RGS20: variants seen among roughly 807,000 people sequenced by gnomAD.
RGS20 encodes the protein regulator of G protein signaling 20.
A neutral mutation model predicts 33.6 loss-of-function variants in RGS20; 30 were observed. The observed-to-expected ratio is 0.89, with a 90% CI of 0.67 to 1.21. RGS20 has a LOEUF of 1.21. Ranked by LOEUF, RGS20 falls within the 50% of genes most tolerant of loss-of-function variation. The pLI, the probability that RGS20 is intolerant of heterozygous loss-of-function variation, is 0.00. For missense variants in RGS20, 472 were observed against 502.4 expected, an observed-to-expected ratio of 0.94 and a Z score of 0.58; for synonymous variants, 208 against 197.9, an observed-to-expected ratio of 1.05 and a Z score of -0.43.
chr8:53,933,070 A>G (rs61124613), intron 2 of RGS20, among the ~76,000 whole-genome samples: 1,895 of 152,334 alleles, frequency 0.012, 36 homozygotes, highest in African/African-American at 0.043. Flanking sequence ...ATCAACATCA[A>G]CAAAAAGGAC....
intron 1 of RGS20, among the ~76,000 whole-genome samples, chr8:53,873,053 G>A (rs1812115516): frequency 6.6e-6 from 1 of 152,058 alleles, no homozygotes; most frequent in Non-Finnish European, 1.5e-5. Flanking sequence ...TCGTGGCTGG[G>A]TGCTGTCCTC....
chr8:53,897,168 C>T (rs762733985), intron 2 of RGS20, among the ~76,000 whole-genome samples: 23 of 152,204 alleles, frequency 1.5e-4, no homozygotes, highest in Non-Finnish European at 2.6e-4. Flanking sequence ...TTTGCATGTA[C>T]GTTGACACAT....
chr8:53,902,979 A>G (rs60594961), intron 2 of RGS20, among the ~76,000 whole-genome samples: 28,024 of 152,032 alleles, frequency 0.18, 7,750 homozygotes, highest in African/African-American at 0.6. Flanking sequence ...GCCCACCTCG[A>G]CCTCCCAAAG....
chr8:53,873,930 G>A (rs897546867), intron 1 of RGS20, among the ~76,000 whole-genome samples: 3 of 152,172 alleles, frequency 2.0e-5, no homozygotes, highest in African/African-American at 7.2e-5. Flanking sequence ...TGGGTGCAGT[G>A]GCTCACACCT....
At chr8:53,902,050 C>T (rs569388448) in intron 2 of RGS20, among the ~76,000 whole-genome samples, 1 of 152,052 alleles carries the variant, frequency 6.6e-6, no homozygotes, top group Non-Finnish European at 1.5e-5. Context: ...CAGGGTCTCG[C>T]TCTGTCACCC....
chr8:53,907,877 G>C (rs1813230397), intron 2 of RGS20, among the ~76,000 whole-genome samples: 3 of 152,180 alleles, frequency 2.0e-5, no homozygotes, highest in African/African-American at 7.2e-5. Context: ...TGGGATTCCT[G>C]CCTTTGTGTC....
At chr8:53,934,460 G>C (rs535269692) in intron 2 of RGS20, among the ~76,000 whole-genome samples, 1 of 152,256 alleles carries the variant, frequency 6.6e-6, no homozygotes, top group Admixed American at 6.5e-5. Context: ...TGCAATCCTA[G>C]TCTCTGATAA....
rs544942672 is a variant in RGS20 at position 53,931,469 on chromosome 8, T to C, written c.511-8107T>C. 1.1e-3 allele frequency among the ~76,000 whole-genome samples: 171 copies of C among 152,144 alleles called. 1 individual carries two copies. Among genetic ancestry groups the C allele is most frequent in the African/African-American group, 3.9e-3 (162 of 41,514 alleles). ...ACTCAGGAGGCTGAGGCAGGAAAAT[T>C]GTTTGAAACTGAGAGGCAGAGGTTG... On this transcript the variant is annotated intron_variant, in intron 2 of 5. Coordinates refer to ENST00000297313, the MANE Select transcript of RGS20 (RefSeq NM_170587.4).
chr8:53,862,923 G>A (rs1811840440), intron 1 of RGS20, among the ~76,000 whole-genome samples: 1 of 152,194 alleles, frequency 6.6e-6, no homozygotes, highest in South Asian at 2.1e-4. Context: ...CAAGGGGAGG[G>A]GGAAATAATG....
At chr8:53,927,781 C>A (rs1378278318) in intron 2 of RGS20, among the ~76,000 whole-genome samples, 1 of 152,174 alleles carries the variant, frequency 6.6e-6, no homozygotes, top group Non-Finnish European at 1.5e-5. Flanking sequence ...GCATAGAGTT[C>A]TCCCACAGAT....
intron 1 of RGS20, among the ~76,000 whole-genome samples, chr8:53,860,739 GT>G (rs1225846869): frequency 6.6e-6 from 1 of 152,236 alleles, no homozygotes; most frequent in Admixed American, 6.5e-5. Flanking sequence ...GCCAAGACAG[GT>G]GGATCACTTG....
At chr8:53,872,593 G>A (rs927485556) in intron 1 of RGS20, among the ~76,000 whole-genome samples, 2 of 152,128 alleles carry the variant, frequency 1.3e-5, no homozygotes. Flanking sequence ...TCCTCGTCTG[G>A]TTTCTGTTTC....
chr8:53,905,551 C>A, intron 2 of RGS20, among the ~76,000 whole-genome samples: 1 of 152,200 alleles, frequency 6.6e-6, no homozygotes, highest in Admixed American at 6.5e-5. Flanking sequence ...ATCTCAGCAT[C>A]CTACTAAACA....
intron 1 of RGS20, among the ~76,000 whole-genome samples, chr8:53,871,949 C>T (rs1428017126): frequency 6.6e-6 from 1 of 152,062 alleles, no homozygotes; most frequent in Non-Finnish European, 1.5e-5. Flanking sequence ...ACCTCCCTAC[C>T]CTAAGCTCAA....
At chr8:53,867,384 G>A (rs936948086) in intron 1 of RGS20, among the ~76,000 whole-genome samples, 16 of 152,052 alleles carry the variant, frequency 1.1e-4, no homozygotes, top group African/African-American at 3.9e-4. Context: ...CATTTCTCAT[G>A]GCTACTAACA....
rs1814700410 is a variant in RGS20, at chr8:53,951,218, C to G, written c.744-2858C>G. ...TAGAAATTTGGGCCAGGCACAGTGG[C>G]TCCTGCCTGTAGTCCCAGCACTTTG... On this transcript the variant is annotated intron_variant, in intron 4 of 5. Transcript: ENST00000297313. 2.6e-5 allele frequency among the ~76,000 whole-genome samples: 4 copies of G among 152,204 alleles called. No homozygotes were observed. The South Asian group carries it at 8.3e-4, about 32-fold the overall frequency.
At chr8:53,864,451 A>C (rs986476665) in intron 1 of RGS20, among the ~76,000 whole-genome samples, 1 of 150,430 alleles carries the variant, frequency 6.6e-6, no homozygotes. Flanking sequence ...AAAAAAAAAA[A>C]CTCAGATACT....
chr8:53,874,367 GGTGT>G (rs138636662), intron 1 of RGS20, among the ~76,000 whole-genome samples: 15,312 of 146,432 alleles, frequency 0.1, 766 homozygotes, highest in Non-Finnish European at 0.12. Flanking sequence ...AGCAATAAGG[GGTGT>G]GTGTGTGTGT....
chr8:53,869,318 C>G (rs1387269658), intron 1 of RGS20, among the ~76,000 whole-genome samples: 3 of 152,152 alleles, frequency 2.0e-5, no homozygotes, highest in Non-Finnish European at 2.9e-5. Context: ...CACATGGACT[C>G]TTTATATTCC....
Sources: allele counts gnomAD v4.1 joint callset (sites outside exome capture counted in the v4.1 genomes callset), GRCh38; gene constraint gnomAD v4.1.1; transcripts MANE v1.5; gene names NCBI Gene and HGNC (gene_info 2026-07-23, HGNC 2026-07-21).